SAMD12: variants seen among roughly 807,000 people sequenced by gnomAD.
SAMD12 encodes sterile alpha motif domain-containing protein 12.
In SAMD12, 9 loss-of-function variants were observed where a neutral mutation model predicts 15.0. The observed-to-expected ratio is 0.60, with a 90% confidence interval of 0.36 to 1.05. SAMD12 has a LOEUF of 1.05. SAMD12 is among the 50% of genes least tolerant of loss of function. The pLI is 0.01. For synonymous variants in SAMD12, 86 were observed against 90.1 expected, an observed-to-expected ratio of 0.96 and a Z score of 0.25; for missense variants, 230 against 234.2, an observed-to-expected ratio of 0.98 and a Z score of 0.12.
Position 118,378,936 on chromosome 8 carries a change from A to G in SAMD12, c.*481T>C, listed in dbSNP as rs1586631788. The G allele has an allele frequency of 1.1e-6, 1 of 946,894 alleles. No homozygotes were observed. Among genetic ancestry groups the G allele is most frequent in the Non-Finnish European group, 1.3e-6 (1 of 793,372 alleles). 58.7% of individuals were successfully genotyped at this position (946,894 alleles called of 1,614,324 possible). A position where few individuals can be genotyped will look rare whatever the true frequency, so the allele number is the denominator to read the frequency against. On this transcript the variant is annotated 3_prime_UTR_variant, in exon 4 of 4. Coordinates refer to ENST00000314727, the MANE Select transcript of SAMD12 (RefSeq NM_207506.3). ...TATATACTCTTAACAGTGTAGTTTT[A>G]GATTCACTATAGTCTATTATAAAAA...
chr8:118,174,033 T>C, the SAMD12 span, among the ~76,000 whole-genome samples: 6,480 of 152,140 alleles, frequency 0.043, 439 homozygotes, highest in African/African-American at 0.15. Flanking sequence ...AAAGAAAAAA[T>C]TGTTCTGAGT....
intron 3 of SAMD12, among the ~76,000 whole-genome samples, chr8:118,392,444 AAAAC>A (rs757492683): frequency 1.3e-5 from 2 of 152,162 alleles, no homozygotes; most frequent in Admixed American, 6.6e-5. Context: ...CAAACAAACA[AAAAC>A]AAAAAACAAA....
chr8:118,368,469 G>A (rs533640997), intron 4 of SAMD12, among the ~76,000 whole-genome samples: 1 of 152,244 alleles, frequency 6.6e-6, no homozygotes, highest in Non-Finnish European at 1.5e-5. Context: ...GAAAATATTA[G>A]ATGAAACCAC....
At chr8:118,444,518 A>G (rs1563863910) in intron 2 of SAMD12, among the ~76,000 whole-genome samples, 1 of 151,912 alleles carries the variant, frequency 6.6e-6, no homozygotes, top group Non-Finnish European at 1.5e-5. Context: ...TTCCTGAGAG[A>G]ATGGTTGTTT....
At chr8:118,209,071 G>A (rs1431102330) in intron 4 of SAMD12, among the ~76,000 whole-genome samples, 1 of 152,180 alleles carries the variant, frequency 6.6e-6, no homozygotes, top group Non-Finnish European at 1.5e-5. Flanking sequence ...GAAATCTTAT[G>A]AGAAATAGTT....
At chr8:118,410,023 A>T (rs1234070593) in intron 3 of SAMD12, among the ~76,000 whole-genome samples, 1 of 152,016 alleles carries the variant, frequency 6.6e-6, no homozygotes, top group Non-Finnish European at 1.5e-5. Flanking sequence ...GCTAGCAATA[A>T]TATGAAGACA....
At chr8:118,234,101 GA>G (rs1812376802) in intron 4 of SAMD12, among the ~76,000 whole-genome samples, 1 of 152,162 alleles carries the variant, frequency 6.6e-6, no homozygotes, top group African/African-American at 2.4e-5. Context: ...AGACAAACTA[GA>G]AAAACTATGG....
intron 2 of SAMD12, among the ~76,000 whole-genome samples, chr8:118,489,087 T>C (rs1824364597): frequency 6.6e-6 from 1 of 152,206 alleles, no homozygotes; most frequent in African/African-American, 2.4e-5. Flanking sequence ...GTTTTTAATT[T>C]GCTTTTCTGT....
At chr8:118,292,305 T>TATA (rs924538254) in intron 4 of SAMD12, among the ~76,000 whole-genome samples, 4 of 140,004 alleles carry the variant, frequency 2.9e-5, no homozygotes, top group South Asian at 2.2e-4. Context: ...AAATAAACAA[T>TATA]ATAATAATAA....
chr8:118,181,643 C>A, the SAMD12 span, among the ~76,000 whole-genome samples: 2 of 152,188 alleles, frequency 1.3e-5, no homozygotes, highest in Non-Finnish European at 2.9e-5. Context: ...GAAAGCACCA[C>A]TTGTGGATAC....
chr8:118,497,763 A>G (rs1042327221), intron 2 of SAMD12, among the ~76,000 whole-genome samples: 1 of 151,066 alleles, frequency 6.6e-6, no homozygotes, highest in African/African-American at 2.4e-5. Context: ...AAAGAACAGC[A>G]TTTGAGAACA....
At chr8:118,573,216 C>T (rs1271860115) in intron 2 of SAMD12, among the ~76,000 whole-genome samples, 1 of 152,162 alleles carries the variant, frequency 6.6e-6, no homozygotes, top group African/African-American at 2.4e-5. Flanking sequence ...TCCTGAGTAG[C>T]TGGGACTACA....
chr8:118,219,624 G>A (rs565629246), intron 4 of SAMD12, among the ~76,000 whole-genome samples: 2 of 152,318 alleles, frequency 1.3e-5, no homozygotes, highest in East Asian at 3.9e-4. Flanking sequence ...TGGCCTGTCA[G>A]AGAATTGTCA....
intron 4 of SAMD12, among the ~76,000 whole-genome samples, chr8:118,355,813 C>T (rs1025084299): frequency 4.6e-5 from 7 of 152,156 alleles, no homozygotes; most frequent in Non-Finnish European, 8.8e-5. Flanking sequence ...AACTTGTTCA[C>T]AAAAGCTGAA....
At chr8:118,595,209 C>G (rs187914687) in intron 1 of SAMD12, among the ~76,000 whole-genome samples, 31 of 152,204 alleles carry the variant, frequency 2.0e-4, no homozygotes, top group Admixed American at 1.8e-3. Context: ...AGTGAAGAAA[C>G]AAAACATCAA....
chr8:118,602,791 G>A (rs1213496133), intron 1 of SAMD12, among the ~76,000 whole-genome samples: 2 of 151,684 alleles, frequency 1.3e-5, no homozygotes, highest in Admixed American at 1.3e-4. Flanking sequence ...TTTCAAAGTG[G>A]GCCACAAAAA....
At chr8:118,350,564 G>A (rs930111815) in intron 4 of SAMD12, among the ~76,000 whole-genome samples, 3 of 152,156 alleles carry the variant, frequency 2.0e-5, no homozygotes, top group Non-Finnish European at 4.4e-5. Flanking sequence ...AGTGCTGACC[G>A]AAGTGCCTGC....
rs1266250781 is a variant in SAMD12, at chr8:118,280,707, C to T, written c.434-82975G>A. Among the ~76,000 whole-genome samples, 3 of 152,138 alleles carry T rather than the reference C, an allele frequency of 2.0e-5. No individual in the cohort carries two copies. The East Asian group carries it at 5.8e-4, about 29-fold the overall frequency. On this transcript the variant is annotated intron_variant, in intron 4 of 4. Coordinates refer to the SAMD12 transcript ENST00000409003. ...GAGAAACTGGTTTGAGCCTAGCTTC[C>T]AGGGAACACACATAGATGGTAATGA... is the stretch of plus-strand genomic sequence containing the variant.
chr8:118,316,271 A>G (rs1202406884), intron 4 of SAMD12, among the ~76,000 whole-genome samples: 2 of 151,538 alleles, frequency 1.3e-5, no homozygotes, highest in African/African-American at 2.4e-5. Flanking sequence ...GCGGTGGCTC[A>G]TGCCTGTAAT....
Sources: allele counts gnomAD v4.1 joint callset (sites outside exome capture counted in the v4.1 genomes callset), GRCh38; gene constraint gnomAD v4.1.1; transcripts MANE v1.5; gene names NCBI Gene and HGNC (gene_info 2026-07-23, HGNC 2026-07-21).